The following ATP10B variants were observed in gnomAD, a reference collection of about 807,000 sequenced individuals.
ATP10B encodes the protein phospholipid-transporting ATPase VB.
In ATP10B, 122 loss-of-function variants were observed where a neutral mutation model predicts 141.2. The ratio of observed to expected loss-of-function variants is 0.86; its 90% confidence interval spans 0.75 to 1.00. ATP10B has a LOEUF of 1.00. ATP10B is among the 50% of genes least tolerant of loss of function. The probability of loss-of-function intolerance (pLI) is 0.00; values close to 1 mark genes in which losing one functional copy is unlikely to be tolerated. For missense variants in ATP10B, 1,876 were observed against 1,825.3 expected (o/e 1.03, Z -0.51); for synonymous variants, 685 against 692.0 (o/e 0.99, Z 0.16).
At chr5:160,813,340 C>T (rs528839747) in intron 1 of ATP10B, among the ~76,000 whole-genome samples, 3 of 152,310 alleles carry the variant, frequency 2.0e-5, no homozygotes, top group Admixed American at 1.3e-4. Context: ...GATTATATCC[C>T]GCGCATGGCT....
In ATP10B at chr5:160,653,872, C is replaced by T. The variant is rs1352678570; in HGVS notation, c.676-4616G>A. Among the ~76,000 whole-genome samples, 51 of 111,832 alleles carry T rather than the reference C, an allele frequency of 4.6e-4. 4 individuals are homozygous for T. The highest frequency in any genetic ancestry group is 3.0e-3 in the Admixed American group (28 of 9,232). 73.4% of individuals were successfully genotyped at this position (111,832 alleles called of 152,430 possible). Reference sequence around the variant, plus strand: ...ACATATATAAATATATATTAATATACGTATATACATATATAAATATATGTA... The same window carrying T: ...ACATATATAAATATATATTAATATATGTATATACATATATAAATATATGTA... On this transcript the variant is annotated intron_variant, in intron 7 of 25. Coordinates refer to ENST00000327245, the MANE Select transcript of ATP10B (RefSeq NM_025153.3).
intron 1 of ATP10B, among the ~76,000 whole-genome samples, chr5:160,836,154 A>G (rs1312505468): frequency 6.6e-6 from 1 of 152,106 alleles, no homozygotes; most frequent in Non-Finnish European, 1.5e-5. Flanking sequence ...AGTACAATGT[A>G]TATTATTTGG....
intron 1 of ATP10B, among the ~76,000 whole-genome samples, chr5:160,841,806 C>A (rs1367251873): frequency 6.6e-6 from 1 of 152,168 alleles, no homozygotes; most frequent in Admixed American, 6.5e-5. Flanking sequence ...TTCACTGCAG[C>A]ATCTGCCTCC....
chr5:160,653,118 T>A (rs369809370), intron 7 of ATP10B, among the ~76,000 whole-genome samples: 4,471 of 129,242 alleles, frequency 0.035, 127 homozygotes, highest in Non-Finnish European at 0.054. Context: ...AACATATACA[T>A]GTATATATTA....
intron 22 of ATP10B, among the ~76,000 whole-genome samples, chr5:160,595,632 G>C (rs1212446518): frequency 6.6e-6 from 1 of 152,138 alleles, no homozygotes; most frequent in African/African-American, 2.4e-5. Flanking sequence ...CAACAAAATT[G>C]AGAGACTGCT....
the ATP10B span, among the ~76,000 whole-genome samples, chr5:160,913,114 A>G: frequency 6.6e-6 from 1 of 152,228 alleles, no homozygotes; most frequent in Non-Finnish European, 1.5e-5. Flanking sequence ...CCTTTCTAAT[A>G]GGGCTCCAGG....
the ATP10B span, among the ~76,000 whole-genome samples, chr5:160,882,450 T>A: frequency 6.6e-6 from 1 of 152,142 alleles, no homozygotes; most frequent in Admixed American, 6.5e-5. Context: ...AATTTAAAAA[T>A]TTTATTTTTT....
intron 2 of ATP10B, among the ~76,000 whole-genome samples, chr5:160,772,422 G>A (rs566733487): frequency 3.3e-5 from 5 of 152,280 alleles, no homozygotes; most frequent in South Asian, 2.1e-4. Context: ...TCTGTGGGAT[G>A]TGGCTGTGAT....
intron 18 of ATP10B, among the ~76,000 whole-genome samples, chr5:160,611,308 C>T (rs894788205): frequency 3.9e-5 from 6 of 152,164 alleles, no homozygotes; most frequent in African/African-American, 1.4e-4. Flanking sequence ...TGGAAGCCCA[C>T]TCGATCTCCC....
intron 6 of ATP10B, among the ~76,000 whole-genome samples, chr5:160,681,796 T>A (rs751791574): frequency 6.6e-6 from 1 of 152,182 alleles, no homozygotes; most frequent in Non-Finnish European, 1.5e-5. Flanking sequence ...TACAAAATAA[T>A]ATAAAATCAG....
At chr5:160,695,485 AGTGAGTGTGT>A (rs938703055) in intron 3 of ATP10B, among the ~76,000 whole-genome samples, 12 of 61,338 alleles carry the variant, frequency 2.0e-4, no homozygotes, top group African/African-American at 8.0e-4. Context: ...TATATGCGTG[AGTGAGTGTGT>A]GTGTGTGTGT....
rs1316034 is a variant in ATP10B, at chr5:160,653,406, C to T, written c.676-4150G>A. 3.3e-3 allele frequency among the ~76,000 whole-genome samples: 65 copies of T among 19,732 alleles called. 6 individuals are homozygous for T. Among genetic ancestry groups the T allele is most frequent in the Non-Finnish European group, 4.4e-3 (33 of 7,522 alleles). The allele number at this position is 19,732 out of a possible 152,430, so 12.9% of individuals were successfully genotyped here. ...GGTAGTATATATACATACGTACATA[C>T]ATACATAGGTAGTATATATACATAT... On this transcript the variant is annotated intron_variant, in intron 7 of 25. Coordinates refer to ENST00000327245, the MANE Select transcript of ATP10B (RefSeq NM_025153.3).
chr5:160,715,734 CAG>C (rs1162078235), intron 3 of ATP10B, among the ~76,000 whole-genome samples: 4 of 42,778 alleles, frequency 9.4e-5, no homozygotes, highest in Non-Finnish European at 2.3e-4. Context: ...ATTTTTGAGA[CAG>C]TGTCTCACTC....
intron 2 of ATP10B, among the ~76,000 whole-genome samples, chr5:160,744,143 C>A (rs942986089): frequency 2.0e-5 from 3 of 152,124 alleles, no homozygotes; most frequent in South Asian, 2.1e-4. Context: ...CCTCATCATA[C>A]GAATTAAATA....
chr5:160,686,156 G>C lies in ATP10B; in HGVS notation c.393C>G (p.Ile131Met). The change falls in exon 6 of 26, where the codon ATC becomes ATG. Residue 131 changes from isoleucine (I) to methionine (M), a missense_variant. Physicochemically the swap from Ile to Met is conservative, Grantham distance 10 (BLOSUM62 1). Transcript: ENST00000327245. ...PLAIVLFVIM[I>M]KDGMEDFKRH... ...TCTTGAAGTCCTCCATGCCATCCTTGATCATGATGACGAACAGGACAATGG... is the reference window on the plus strand; with the variant it reads ...TCTTGAAGTCCTCCATGCCATCCTTCATCATGATGACGAACAGGACAATGG... 6.2e-7 allele frequency: 1 copy of C among 1,613,064 alleles called. No individual in the cohort carries two copies. The highest frequency in any genetic ancestry group is 8.5e-7 in the Non-Finnish European group (1 of 1,179,280).
At chr5:160,755,517 G>T (rs536835567) in intron 2 of ATP10B, among the ~76,000 whole-genome samples, 62 of 151,834 alleles carry the variant, frequency 4.1e-4, no homozygotes, top group African/African-American at 1.4e-3. Context: ...ATCTAAACAT[G>T]TAAAATATAT....
At chr5:160,716,815 G>A (rs1561783794) in intron 3 of ATP10B, 94 bp downstream of exon 3, 1 of 839,480 alleles carries the variant, frequency 1.2e-6, no homozygotes, top group Non-Finnish European at 1.4e-6. Flanking sequence ...TCAAGGTGGT[G>A]TCATGAACCA....
chr5:160,774,299 G>C (rs945392118), intron 2 of ATP10B, among the ~76,000 whole-genome samples: 2 of 152,196 alleles, frequency 1.3e-5, no homozygotes, highest in African/African-American at 4.8e-5. Flanking sequence ...CAGCCTCCAG[G>C]CGTTATCACA....
intron 2 of ATP10B, among the ~76,000 whole-genome samples, chr5:160,774,036 C>T (rs1770100325): frequency 6.6e-6 from 1 of 152,170 alleles, no homozygotes; most frequent in South Asian, 2.1e-4. Context: ...CATATACAGA[C>T]TCCCGATTTA....
Sources: allele counts gnomAD v4.1 joint callset (sites outside exome capture counted in the v4.1 genomes callset), GRCh38; gene constraint gnomAD v4.1.1; transcripts MANE v1.5; gene names NCBI Gene and HGNC (gene_info 2026-07-23, HGNC 2026-07-21).